PCDH7: variants seen among roughly 807,000 people sequenced by gnomAD.
PCDH7 encodes protocadherin-7.
A neutral mutation model predicts 58.9 loss-of-function variants in PCDH7; 17 were observed. That is an observed-to-expected ratio of 0.29 (90% confidence interval 0.20 to 0.43). PCDH7 has a LOEUF of 0.43. Among genes scored for constraint, PCDH7 ranks in the 20% least tolerant of loss-of-function variants. The pLI is 1.00. For synonymous variants in PCDH7, 664 were observed against 616.4 expected (o/e 1.08, Z -1.14); for missense variants, 1,274 against 1,441.0 (o/e 0.88, Z 1.88).
intron 3 of PCDH7, among the ~76,000 whole-genome samples, chr4:31,070,635 A>G (rs1758469357): frequency 6.6e-6 from 1 of 152,062 alleles, no homozygotes; most frequent in Non-Finnish European, 1.5e-5. Flanking sequence ...ACTTACTCAG[A>G]CCTAATCATA....
chr4:31,145,016 G>C (rs973167445), downstream of PCDH7: 5 of 151,102 alleles, frequency 3.3e-5, no homozygotes, highest in African/African-American at 1.2e-4. Flanking sequence ...ACGTTACAAA[G>C]AAAATACTCA....
At chr4:31,008,021 G>A (rs1752910252) in intron 3 of PCDH7, among the ~76,000 whole-genome samples, 1 of 152,032 alleles carries the variant, frequency 6.6e-6, no homozygotes, top group South Asian at 2.1e-4. Flanking sequence ...AAGAAGGGAG[G>A]GGAGAATGTC....
At chr4:31,145,869 G>A (rs1720638183), downstream of PCDH7, 1 of 151,830 alleles carries the variant, frequency 6.6e-6, no homozygotes, top group Non-Finnish European at 1.5e-5. Context: ...TTTTTGTTGT[G>A]TTTCTTTCAG....
intron 3 of PCDH7, among the ~76,000 whole-genome samples, chr4:31,113,346 A>C (rs576398161): frequency 6.6e-6 from 1 of 152,310 alleles, no homozygotes; most frequent in Admixed American, 6.5e-5. Flanking sequence ...TCAAAAGAAA[A>C]CCATAATTGC....
At chr4:31,129,057 T>C (rs915098957) in intron 3 of PCDH7, among the ~76,000 whole-genome samples, 1 of 152,208 alleles carries the variant, frequency 6.6e-6, no homozygotes, top group African/African-American at 2.4e-5. Flanking sequence ...GGATGACAGG[T>C]AATCTGTCTC....
intron 3 of PCDH7, among the ~76,000 whole-genome samples, chr4:31,058,001 C>T (rs2109233218): frequency 6.6e-6 from 1 of 152,070 alleles, no homozygotes; most frequent in African/African-American, 2.4e-5. Flanking sequence ...TTTAAATATC[C>T]AATTAAGTTG....
At chr4:30,908,486 T>C (rs4536889) in intron 1 of PCDH7, among the ~76,000 whole-genome samples, 105,521 of 151,920 alleles carry the variant, frequency 0.69, 36,906 homozygotes, top group African/African-American at 0.79. Context: ...AGTATTTTTG[T>C]CTCTCAGAAT....
At chr4:31,134,804 C>T (rs1437243756) in intron 3 of PCDH7, among the ~76,000 whole-genome samples, 1 of 152,124 alleles carries the variant, frequency 6.6e-6, no homozygotes, top group Non-Finnish European at 1.5e-5. Context: ...AGTGGGGTTC[C>T]ATCTGCAAAG....
At chr4:30,796,813 CT>C (rs1724837623) in intron 1 of PCDH7, among the ~76,000 whole-genome samples, 1 of 152,172 alleles carries the variant, frequency 6.6e-6, no homozygotes, top group Non-Finnish European at 1.5e-5. Flanking sequence ...CTTTCGAAGG[CT>C]TTTACGTGCT....
intron 3 of PCDH7, among the ~76,000 whole-genome samples, chr4:30,968,979 G>T (rs1233259347): frequency 6.6e-6 from 1 of 152,018 alleles, no homozygotes; most frequent in Admixed American, 6.6e-5. Context: ...ACAGCTTCAG[G>T]ATCCTGCATA....
intron 3 of PCDH7, among the ~76,000 whole-genome samples, chr4:31,088,880 CAAT>C (rs1292987961): frequency 2.0e-5 from 3 of 151,862 alleles, no homozygotes; most frequent in Non-Finnish European, 4.4e-5. Flanking sequence ...TAAATGTTTT[CAAT>C]AATAATGTTA....
chr4:30,990,711 A>T (rs1751398639), intron 3 of PCDH7, among the ~76,000 whole-genome samples: 1 of 152,150 alleles, frequency 6.6e-6, no homozygotes, highest in South Asian at 2.1e-4. Flanking sequence ...AAAAATATTG[A>T]TGTCAATGAT....
In PCDH7 at chr4:30,866,553, C is replaced by G. The variant is rs148743340; in HGVS notation, c.71-53600C>G. ...CGTTAGAGCAAATATACTCCAGTTTCTAACTTTTCTGTTCAATTTTCCAGG... is the reference window on the plus strand; with the variant it reads ...CGTTAGAGCAAATATACTCCAGTTTGTAACTTTTCTGTTCAATTTTCCAGG... On this transcript the variant is annotated intron_variant, in intron 1 of 3. Coordinates refer to the PCDH7 transcript ENST00000509759. Among the ~76,000 whole-genome samples the G allele has an allele frequency of 1.8e-3, 276 of 152,112 alleles. 8 individuals carry two copies. In the East Asian group the frequency reaches 0.048, roughly 27 times the overall value.
intron 3 of PCDH7, among the ~76,000 whole-genome samples, chr4:31,136,409 C>T (rs1035876991): frequency 2.0e-5 from 3 of 152,218 alleles, no homozygotes; most frequent in African/African-American, 4.8e-5. Flanking sequence ...CTGAGCAATA[C>T]TGGGACTCTA....
At chr4:30,853,444 G>T (rs1477027082) in intron 1 of PCDH7, among the ~76,000 whole-genome samples, 1 of 152,078 alleles carries the variant, frequency 6.6e-6, no homozygotes, top group African/African-American at 2.4e-5. Flanking sequence ...CCTATACTCA[G>T]CAATGCCCAC....
chr4:30,904,777 G>A (rs1397394186), intron 1 of PCDH7, among the ~76,000 whole-genome samples: 1 of 152,170 alleles, frequency 6.6e-6, no homozygotes, highest in East Asian at 1.9e-4. Flanking sequence ...ATGAGTGATG[G>A]GAGTGGCAGA....
At chr4:30,772,168 C>T (rs1721502077) in intron 1 of PCDH7, among the ~76,000 whole-genome samples, 1 of 152,166 alleles carries the variant, frequency 6.6e-6, no homozygotes, top group African/African-American at 2.4e-5. Flanking sequence ...CCGCTCTCAG[C>T]TATGGGTCAC....
chr4:31,130,029 A>G (rs553319289), intron 3 of PCDH7, among the ~76,000 whole-genome samples: 4 of 152,322 alleles, frequency 2.6e-5, no homozygotes, highest in African/African-American at 9.6e-5. Context: ...AATAATAAAC[A>G]TCAGAAATCA....
At chr4:31,035,786 T>C (rs1755362329) in intron 3 of PCDH7, among the ~76,000 whole-genome samples, 1 of 152,198 alleles carries the variant, frequency 6.6e-6, no homozygotes, top group African/African-American at 2.4e-5. Flanking sequence ...TTTTAAAACA[T>C]GTTTTCTTTA....
Sources: gnomAD v4.1 joint callset for allele counts (sites outside exome capture counted in the v4.1 genomes callset) on GRCh38, gnomAD v4.1.1 for gene constraint, MANE v1.5 for transcripts, NCBI Gene and HGNC (gene_info 2026-07-23, HGNC 2026-07-21) for gene names.